Variants in NCBP3 observed in about 807,000 individuals in gnomAD.
The protein encoded by NCBP3 is nuclear cap-binding protein subunit 3.
NCBP3 carries 20 observed loss-of-function variants against 75.7 expected under a neutral mutation model. The observed-to-expected ratio is 0.26, with a 90% confidence interval of 0.19 to 0.38. The LOEUF is 0.38. Among genes scored for constraint, NCBP3 ranks in the 10% least tolerant of loss-of-function variants. The pLI is 1.00. For missense variants in NCBP3, 678 were observed against 796.9 expected (o/e 0.85, Z 1.80); for synonymous variants, 293 against 290.5 (o/e 1.01, Z -0.09).
intron 4 of NCBP3, 49 bp downstream of exon 4, chr17:3,829,194 G>GA (rs746558784): frequency 5.8e-6 from 9 of 1,545,072 alleles, no homozygotes; most frequent in Non-Finnish European, 7.9e-6. Context: ...AAGAACTCTT[G>GA]AAAAATCATC....
chr17:3,825,850 T>C lies in NCBP3; in HGVS notation c.611-7A>G, dbSNP rs1056187049. The C allele has an allele frequency of 6.5e-7, 1 of 1,549,168 alleles. No individual in the cohort carries two copies. The highest frequency in any genetic ancestry group is 2.0e-5 in the Admixed American group (1 of 50,970). ...GAACTGTCTTCCTGCTTGTCTAAAA[T>C]GGAATGTGAAGGACAAGATGAAACA... On this transcript the variant is annotated splice_polypyrimidine_tract_variant and splice_region_variant and intron_variant, in intron 5 of 12. Coordinates refer to ENST00000389005, the MANE Select transcript of NCBP3 (RefSeq NM_001114118.3).
At chr17:3,834,043 A>G (rs966016187) in intron 3 of NCBP3, among the ~76,000 whole-genome samples, 2 of 152,150 alleles carry the variant, frequency 1.3e-5, no homozygotes, top group Non-Finnish European at 2.9e-5. Flanking sequence ...CCTTATCCGC[A>G]TTTAGGCCTC....
intron 11 of NCBP3, 107 bp from the exon 12 acceptor site, chr17:3,814,590 A>G (rs1384261660): frequency 9.1e-7 from 1 of 1,094,042 alleles, no homozygotes; most frequent in South Asian, 1.6e-5. Context: ...CCCCGAGGAC[A>G]CAGGGCCTGA....
At chr17:3,839,176 G>A (rs548346997) in intron 3 of NCBP3, among the ~76,000 whole-genome samples, 3 of 152,056 alleles carry the variant, frequency 2.0e-5, no homozygotes, top group East Asian at 1.9e-4. Context: ...ACAATAATTC[G>A]GGGTGAGTTC....
At position 3,814,424 on chromosome 17, in the gene NCBP3, G is replaced by A. The variant is rs765334742; in HGVS notation, c.1525C>T (p.Pro509Ser). Residue 509 changes from proline to serine, a missense_variant, in exon 12 of 13, where the codon CCC becomes TCC. This residue lies in a region of NCBP3 where 365 missense variants were observed against 392.7 expected (regional missense o/e 0.93). Coordinates refer to ENST00000389005, the MANE Select transcript of NCBP3 (RefSeq NM_001114118.3). ...GAAGAGGGCTCTCTCCGAACGACGG[G>A]GTTACTACTAAAAGCCTTTTCCGGA... ...HSPEKAFSSN[P>S]VVRREPSSDV... 2.2e-5 allele frequency: 36 copies of A among 1,614,138 alleles called. No individual in the cohort carries two copies. The highest frequency in any genetic ancestry group is 3.1e-5 in the Non-Finnish European group (36 of 1,180,014).
At chr17:3,836,471 G>A (rs1462458907) in intron 3 of NCBP3, among the ~76,000 whole-genome samples, 1 of 151,914 alleles carries the variant, frequency 6.6e-6, no homozygotes, top group Non-Finnish European at 1.5e-5. Flanking sequence ...TGGCTAACAT[G>A]GTGAAACCCC....
chr17:3,843,842 C>T (rs2054109867), intron 1 of NCBP3, among the ~76,000 whole-genome samples: 1 of 152,186 alleles, frequency 6.6e-6, no homozygotes, highest in African/African-American at 2.4e-5. Flanking sequence ...CCACACCTGG[C>T]AAGTCTGGTT....
chr17:3,821,067 T>C (rs905341584), intron 9 of NCBP3, among the ~76,000 whole-genome samples, 182 bp downstream of exon 9: 6 of 152,238 alleles, frequency 3.9e-5, no homozygotes, highest in Non-Finnish European at 7.3e-5. Flanking sequence ...ATAAAATCAT[T>C]TGACCTCTTT....
chr17:3,825,139 A>G (rs1343595034), intron 6 of NCBP3, 89 bp from the exon 7 acceptor site: 1 of 656,472 alleles, frequency 1.5e-6, no homozygotes, highest in Non-Finnish European at 2.5e-6. Context: ...AAAGCATTCT[A>G]CCTTTAATAC....
At chr17:3,831,302 G>A (rs1018401650) in intron 3 of NCBP3, among the ~76,000 whole-genome samples, 14 of 151,778 alleles carry the variant, frequency 9.2e-5, no homozygotes, top group East Asian at 3.9e-4. Flanking sequence ...GGTCGGGCGC[G>A]GTCGCTCAAG....
intron 2 of NCBP3, among the ~76,000 whole-genome samples, chr17:3,842,122 T>C (rs1042970344): frequency 5.3e-5 from 8 of 151,882 alleles, no homozygotes; most frequent in East Asian, 1.9e-4. Flanking sequence ...TACAAGGCAA[T>C]AGTCTTATTA....
intron 7 of NCBP3, among the ~76,000 whole-genome samples, chr17:3,823,385 A>G (rs1194798344): frequency 2.0e-5 from 3 of 152,144 alleles, no homozygotes; most frequent in South Asian, 2.1e-4. Context: ...ACTGATATCC[A>G]TGGATGATAA....
chr17:3,811,831 C>T lies in NCBP3; in HGVS notation c.*1213G>A, dbSNP rs941353295. On this transcript the variant is annotated 3_prime_UTR_variant, in exon 13 of 13. Transcript: ENST00000389005. ...TAAATACTACAAAACAAAAATCAGA[C>T]AGGAAGACGAAACAATCTACCTCCT... The T allele has an allele frequency of 6.6e-5, 10 of 152,336 alleles. No individual in the cohort carries two copies. Among genetic ancestry groups the T allele is most frequent in the African/African-American group, 2.4e-4 (10 of 41,560 alleles). The allele number at this position is 152,336 out of a possible 1,614,324, so 9.4% of individuals were successfully genotyped here. A position where few individuals can be genotyped will look rare whatever the true frequency, so the allele number is the denominator to read the frequency against.
chr17:3,819,989 G>C (rs1264266546), intron 9 of NCBP3, among the ~76,000 whole-genome samples: 1 of 152,178 alleles, frequency 6.6e-6, no homozygotes. Flanking sequence ...GTCTTGCTCT[G>C]TCGCCCAGGT....
At chr17:3,839,590 CA>C (rs1462909007) in intron 3 of NCBP3, among the ~76,000 whole-genome samples, 12 of 152,276 alleles carry the variant, frequency 7.9e-5, no homozygotes, top group African/African-American at 2.6e-4. Flanking sequence ...TCAAGTGATC[CA>C]CCTGCCTTGG....
rs11547361 is a variant in NCBP3 at position 3,807,123 on chromosome 17, G to C, written c.*5921C>G. The C allele has an allele frequency of 0.15, 22,537 of 152,180 alleles. 2,842 individuals are homozygous for C. The highest frequency in any genetic ancestry group is 0.34 in the African/African-American group (14,119 of 41,462). The allele number at this position is 152,180 out of a possible 1,614,324, so 9.4% of individuals were successfully genotyped here. A position where few individuals can be genotyped will look rare whatever the true frequency, so the allele number is the denominator to read the frequency against. On this transcript the variant is annotated 3_prime_UTR_variant, in exon 13 of 13. Transcript: ENST00000389005. ...GCTGCTTTAGGCAAAAGAGCCACTG[G>C]AGGAATGAGCTCTGCTCTTTTCACC...
At chr17:3,820,210 A>G (rs1206124759) in intron 9 of NCBP3, among the ~76,000 whole-genome samples, 1 of 152,158 alleles carries the variant, frequency 6.6e-6, no homozygotes, top group Non-Finnish European at 1.5e-5. Flanking sequence ...TTGGCCTCCC[A>G]AAGTGCTGGG....
Position 3,812,457 on chromosome 17 carries a change from G to C in NCBP3, c.*587C>G, listed in dbSNP as rs2053434936. ...ATGCCATGAGCAATCCCCGAGGGAAGAACGGAAGCACAGTCAATGCTGCAG... is the reference window on the plus strand; with the variant it reads ...ATGCCATGAGCAATCCCCGAGGGAACAACGGAAGCACAGTCAATGCTGCAG... On this transcript the variant is annotated 3_prime_UTR_variant, in exon 13 of 13. Coordinates refer to ENST00000389005, the MANE Select transcript of NCBP3 (RefSeq NM_001114118.3). 4 of 958,332 alleles carry C rather than the reference G, an allele frequency of 4.2e-6. No individual in the cohort carries two copies. The South Asian group carries it at 1.9e-4, about 46-fold the overall frequency. 59.4% of individuals were successfully genotyped at this position (958,332 alleles called of 1,614,324 possible). A position where few individuals can be genotyped will look rare whatever the true frequency, so the allele number is the denominator to read the frequency against.
chr17:3,840,223 A>C lies in NCBP3; in HGVS notation c.250-18T>G. The C allele has an allele frequency of 1.9e-6, 3 of 1,544,608 alleles. No individual in the cohort carries two copies. The highest frequency in any genetic ancestry group is 2.6e-6 in the Non-Finnish European group (3 of 1,140,604). On this transcript the variant is annotated intron_variant, in intron 2 of 12. Transcript: ENST00000389005. ...ATTGCTTCCTAGAAAGTACAGAAAA[A>C]GTGAAAGTAGTAAAATATGGAGAAG...
Sources: gnomAD v4.1 joint callset for allele counts (sites outside exome capture counted in the v4.1 genomes callset) on GRCh38, gnomAD v4.1.1 for gene constraint, gnomAD v4.1.1 regional missense constraint, MANE v1.5 for transcripts, NCBI Gene and HGNC (gene_info 2026-07-23, HGNC 2026-07-21) for gene names.